PTPN11: variants seen among roughly 807,000 people sequenced by gnomAD.
PTPN11 encodes the protein tyrosine-protein phosphatase non-receptor type 11.
Under a neutral mutation model 78.8 loss-of-function variants are expected in PTPN11, and 6 were observed. The observed-to-expected ratio is 0.08, with a 90% confidence interval of 0.04 to 0.15. PTPN11 has a LOEUF of 0.15. Among genes scored for constraint, PTPN11 ranks in the 10% least tolerant of loss-of-function variants. The probability of loss-of-function intolerance (pLI) is 1.00; values close to 1 mark genes in which losing one functional copy is unlikely to be tolerated. For missense variants in PTPN11, 386 were observed against 744.8 expected (o/e 0.52, Z 5.61); for synonymous variants, 221 against 263.5 (o/e 0.84, Z 1.56).
chr12:112,487,469 C>T (rs1215130308), intron 11 of PTPN11, among the ~76,000 whole-genome samples: 2 of 151,998 alleles, frequency 1.3e-5, no homozygotes, highest in Non-Finnish European at 2.9e-5. Flanking sequence ...ATATTTCTCC[C>T]CTAACACTAT....
chr12:112,475,063 C>T lies in PTPN11; in HGVS notation c.853+2023C>T, dbSNP rs74352373. ...TAAACCAGTCACAGTTCCTCTCTCC[C>T]GAGGTCTAACTCTATGCTGAACTCT... On this transcript the variant is annotated intron_variant, in intron 7 of 15. Coordinates refer to ENST00000351677, the MANE Select transcript of PTPN11 (RefSeq NM_002834.5). Among the ~76,000 whole-genome samples the T allele has an allele frequency of 3.1e-3, 473 of 152,326 alleles. 2 individuals carry two copies. Among genetic ancestry groups the T allele is most frequent in the Non-Finnish European group, 5.6e-3 (383 of 68,026 alleles).
At chr12:112,420,478 T>C (rs1594121451) in intron 1 of PTPN11, among the ~76,000 whole-genome samples, 1 of 152,092 alleles carries the variant, frequency 6.6e-6, no homozygotes, top group East Asian at 1.9e-4. Context: ...CCCAAGTAAC[T>C]AGGACTACAG....
In PTPN11 at chr12:112,482,737, A is replaced by G. The variant is rs1022046878; in HGVS notation, c.1224+532A>G. 1.3e-5 allele frequency among the ~76,000 whole-genome samples: 2 copies of G among 152,158 alleles called. No homozygotes were observed. On this transcript the variant is annotated intron_variant, in intron 10 of 15. Transcript: ENST00000351677. The surrounding 1 kb of genome is among the most constrained non-coding windows in gnomAD (Gnocchi z 4.4). ...CTGGAAGAGAAGCAGTAGATGTGAG[A>G]GGTGCCGGGGGGTGAAGTCTGCAGG...
chr12:112,475,548 C>T (rs2038488773), intron 7 of PTPN11, among the ~76,000 whole-genome samples: 1 of 152,142 alleles, frequency 6.6e-6, no homozygotes, highest in African/African-American at 2.4e-5. Context: ...AGCGACTGCA[C>T]CTGGCTATGC....
chr12:112,474,776 C>T (rs1212853768), intron 7 of PTPN11, among the ~76,000 whole-genome samples: 1 of 152,030 alleles, frequency 6.6e-6, no homozygotes, highest in Non-Finnish European at 1.5e-5. Context: ...CTACCATGCC[C>T]AGCTAATTTT....
chr12:112,500,070 C>T (rs2038857661), intron 13 of PTPN11, among the ~76,000 whole-genome samples: 1 of 151,950 alleles, frequency 6.6e-6, no homozygotes, highest in African/African-American at 2.4e-5. Flanking sequence ...ATGATGAAAC[C>T]CCGTCTCTAC....
At chr12:112,467,287 G>A (rs1202783742) in intron 6 of PTPN11, among the ~76,000 whole-genome samples, 1 of 152,152 alleles carries the variant, frequency 6.6e-6, no homozygotes, top group Non-Finnish European at 1.5e-5. Flanking sequence ...GTTTTGCACT[G>A]CTCTAAAGGA....
intron 6 of PTPN11, among the ~76,000 whole-genome samples, chr12:112,461,581 C>A (rs1428094807): frequency 6.6e-6 from 1 of 152,114 alleles, no homozygotes; most frequent in Non-Finnish European, 1.5e-5. Flanking sequence ...TCTACCTCAG[C>A]CTCCTGAGTA....
chr12:112,454,120 C>T (rs750551034), intron 4 of PTPN11, among the ~76,000 whole-genome samples: 1 of 151,860 alleles, frequency 6.6e-6, no homozygotes, highest in Non-Finnish European at 1.5e-5. Flanking sequence ...TATACACACA[C>T]CACATTTTTA....
At position 112,452,165 on chromosome 12, in the gene PTPN11, C is replaced by T. The variant is rs369303620; in HGVS notation, c.333-1030C>T. Among the ~76,000 whole-genome samples the T allele has an allele frequency of 9.9e-5, 15 of 152,094 alleles. No homozygotes were observed. In the East Asian group the frequency reaches 2.3e-3, roughly 23 times the overall value. On this transcript the variant is annotated intron_variant, in intron 3 of 15. Transcript: ENST00000351677. ...TGCTGGGATTATAGGCGTGAGCCAC[C>T]GTGCCTGTCTCTATTACAACTTTTT...
chr12:112,441,718 A>G (rs2037892489), intron 1 of PTPN11, among the ~76,000 whole-genome samples: 1 of 152,206 alleles, frequency 6.6e-6, no homozygotes, highest in African/African-American at 2.4e-5. Context: ...GGTCCAGGAT[A>G]ATTTGACTTT....
intron 4 of PTPN11, among the ~76,000 whole-genome samples, 177 bp downstream of exon 4, chr12:112,453,564 G>A (rs928481029): frequency 2.0e-5 from 3 of 150,820 alleles, no homozygotes; most frequent in Non-Finnish European, 2.9e-5. Context: ...GTTTCACCAC[G>A]TTGGGTCTGG....
In PTPN11 at chr12:112,509,564, AATCT is replaced by A. The variant is rs1417463657; in HGVS notation, c.*3776_*3779del. ...AAAGATATGTAATATTTTATTGATA[AATCT>A]ATCCTTTAAAAGGAATACGTTTTAG... On this transcript the variant is annotated 3_prime_UTR_variant, in exon 16 of 16. Transcript: ENST00000351677. The A allele has an allele frequency of 1.3e-5, 2 of 152,658 alleles. No individual in the cohort carries two copies. Among genetic ancestry groups the A allele is most frequent in the Non-Finnish European group, 2.9e-5 (2 of 68,044 alleles). 9.5% of individuals were successfully genotyped at this position (152,658 alleles called of 1,614,324 possible). A position where few individuals can be genotyped will look rare whatever the true frequency, so the allele number is the denominator to read the frequency against.
In PTPN11 at chr12:112,501,992, C is replaced by G. The variant is rs147299627; in HGVS notation, c.1600-152C>G. 3.2e-4 allele frequency: 216 copies of G among 665,496 alleles called. No homozygotes were observed. In the African/African-American group the frequency reaches 3.4e-3, roughly 11 times the overall value. The allele number at this position is 665,496 out of a possible 1,614,324, so 41.2% of individuals were successfully genotyped here. On this transcript the variant is annotated intron_variant, in intron 13 of 15. Transcript: ENST00000351677. ...TACCTTGAGAAGGTGAATCCCCTAA[C>G]AATTTGGTCAATGTATCAGTATTCT... is the stretch of plus-strand genomic sequence containing the variant.
At position 112,419,067 on chromosome 12, in the gene PTPN11, T is replaced by G. The variant is rs587781131; in HGVS notation, c.-45T>G. Reference sequence around the variant, plus strand: ...CGATGTGACCGAGCCCAGCGGAGCCTGAGCAAGGAGCGGGTCCGTCGCGGA... The same window carrying G: ...CGATGTGACCGAGCCCAGCGGAGCCGGAGCAAGGAGCGGGTCCGTCGCGGA... On this transcript the variant is annotated 5_prime_UTR_variant, in exon 1 of 16. Coordinates refer to ENST00000351677, the MANE Select transcript of PTPN11 (RefSeq NM_002834.5). 3.2e-5 allele frequency: 49 copies of G among 1,534,680 alleles called. No homozygotes were observed. The African/African-American group carries it at 6.6e-4, about 21-fold the overall frequency.
chr12:112,445,868 G>A (rs758340367), intron 1 of PTPN11, among the ~76,000 whole-genome samples: 2 of 151,876 alleles, frequency 1.3e-5, no homozygotes, highest in South Asian at 2.1e-4. Flanking sequence ...TGGAACTCCC[G>A]ACCCCAGCTG....
intron 6 of PTPN11, among the ~76,000 whole-genome samples, chr12:112,460,282 C>G (rs1005437811): frequency 7.2e-5 from 11 of 152,068 alleles, no homozygotes; most frequent in African/African-American, 2.7e-4. Context: ...TTTCTTCCAC[C>G]TTGATTATGA....
intron 6 of PTPN11, among the ~76,000 whole-genome samples, chr12:112,462,336 A>G (rs1336214600): frequency 6.6e-6 from 1 of 152,160 alleles, no homozygotes. Flanking sequence ...CTAGGGTGAC[A>G]GAGCAGGGAC....
chr12:112,495,637 T>G (rs1397240225), intron 13 of PTPN11, among the ~76,000 whole-genome samples: 1 of 152,178 alleles, frequency 6.6e-6, no homozygotes, highest in Non-Finnish European at 1.5e-5. Flanking sequence ...GGTTACAGCC[T>G]GATAAGCCCA....
Sources: gnomAD v4.1 joint callset for allele counts (sites outside exome capture counted in the v4.1 genomes callset) on GRCh38, gnomAD v4.1.1 for gene constraint, Gnocchi (gnomAD v3.1) non-coding constraint, MANE v1.5 for transcripts, NCBI Gene and HGNC (gene_info 2026-07-23, HGNC 2026-07-21) for gene names.